Variants in CDH4 observed in about 807,000 individuals in gnomAD.
CDH4 encodes cadherin 4.
A neutral mutation model predicts 86.0 loss-of-function variants in CDH4; 33 were observed. The ratio of observed to expected loss-of-function variants is 0.38; its 90% CI spans 0.29 to 0.51. The LOEUF (loss-of-function observed/expected upper bound fraction) is 0.51. Among genes scored for constraint, CDH4 ranks in the 20% least tolerant of loss-of-function variants. CDH4 has a pLI of 0.86. For missense variants in CDH4, 1,114 were observed against 1,307.4 expected (o/e 0.85, Z 2.28); for synonymous variants, 555 against 549.4 (o/e 1.01, Z -0.14).
chr20:61,545,061 C>T (rs1212736293), intron 2 of CDH4, among the ~76,000 whole-genome samples: 1 of 152,232 alleles, frequency 6.6e-6, no homozygotes, highest in Non-Finnish European at 1.5e-5. Flanking sequence ...AGCGCCCTCG[C>T]TTCTGTGGGT....
intron 2 of CDH4, among the ~76,000 whole-genome samples, chr20:61,584,260 A>C (rs1304016698): frequency 6.6e-6 from 1 of 152,184 alleles, no homozygotes; most frequent in Non-Finnish European, 1.5e-5. Context: ...CAGCTCTTGC[A>C]CGTGCCTTCC....
chr20:61,653,198 A>G (rs1252745288), intron 2 of CDH4, among the ~76,000 whole-genome samples: 2 of 129,722 alleles, frequency 1.5e-5, no homozygotes, highest in Non-Finnish European at 3.5e-5. Context: ...ACCGCCCTTA[A>G]TCCATTTAAC....
chr20:61,492,205 TTGG>T (rs898011864), intron 2 of CDH4, among the ~76,000 whole-genome samples: 16 of 151,606 alleles, frequency 1.1e-4, no homozygotes, highest in African/African-American at 3.4e-4. Context: ...ATTGTTGATA[TTGG>T]TGGTGTTGAT....
chr20:61,817,306 C>T (rs1980768650), intron 4 of CDH4, among the ~76,000 whole-genome samples: 1 of 152,112 alleles, frequency 6.6e-6, no homozygotes, highest in African/African-American at 2.4e-5. Context: ...TCCCGGGCTG[C>T]ACCCAGCTCT....
rs556740330 is a variant in CDH4, at chr20:61,807,916, C to T, written c.576+34734C>T. On this transcript the variant is annotated intron_variant, in intron 4 of 15. Coordinates refer to ENST00000614565, the MANE Select transcript of CDH4 (RefSeq NM_001794.5). This position sits in a 1 kb window ranked among gnomAD's most constrained non-coding sequence, Gnocchi z 4.5. ...GGCCTGGCGGGATGCAGGCACAGCG[C>T]GATCCAGCACAGTGCTGGGTGGTCT... is the stretch of plus-strand genomic sequence containing the variant. Among the ~76,000 whole-genome samples, 3 of 152,332 alleles carry T rather than the reference C, an allele frequency of 2.0e-5. No individual in the cohort carries two copies. Among genetic ancestry groups the T allele is most frequent in the Admixed American group, 6.5e-5 (1 of 15,306 alleles).
intron 2 of CDH4, among the ~76,000 whole-genome samples, chr20:61,649,663 G>A (rs182060813): frequency 1.7e-3 from 266 of 152,254 alleles, no homozygotes; most frequent in Non-Finnish European, 3.3e-3. Context: ...ACGGGGGCTC[G>A]GTATCCACTT....
chr20:61,446,848 G>A (rs957393301), intron 2 of CDH4, among the ~76,000 whole-genome samples: 1 of 152,044 alleles, frequency 6.6e-6, no homozygotes. Flanking sequence ...AATATATTCA[G>A]TTTGGCCAAT....
intron 2 of CDH4, among the ~76,000 whole-genome samples, chr20:61,565,103 C>G (rs74897578): frequency 0.021 from 802 of 38,544 alleles, 5 homozygotes; most frequent in Middle Eastern, 0.056. Context: ...TGGTGGTGCT[C>G]TTGGTGGTGC....
intron 2 of CDH4, among the ~76,000 whole-genome samples, chr20:61,279,722 G>A (rs2084248586): frequency 6.6e-6 from 1 of 152,170 alleles, no homozygotes; most frequent in South Asian, 2.1e-4. Context: ...CGAGAAATGG[G>A]GCAGTCTGGA....
intron 2 of CDH4, among the ~76,000 whole-genome samples, chr20:61,401,810 A>G (rs909628965): frequency 4.6e-5 from 7 of 152,208 alleles, no homozygotes; most frequent in African/African-American, 1.7e-4. Flanking sequence ...GCCCCAGTGT[A>G]AGTGAAGGGT....
At chr20:61,371,734 G>A (rs974014912) in intron 2 of CDH4, among the ~76,000 whole-genome samples, 5 of 152,248 alleles carry the variant, frequency 3.3e-5, no homozygotes, top group Non-Finnish European at 5.9e-5. Flanking sequence ...ACCTCATCAC[G>A]CACAGAGCAG....
At chr20:61,736,676 A>G (rs762457607) in intron 2 of CDH4, among the ~76,000 whole-genome samples, 10 of 145,298 alleles carry the variant, frequency 6.9e-5, no homozygotes, top group Non-Finnish European at 1.5e-4. Context: ...AGAGAGGGAG[A>G]GAGGAGCAAG....
At chr20:61,331,637 A>C (rs935301001) in intron 2 of CDH4, among the ~76,000 whole-genome samples, 112 of 6,336 alleles carry the variant, frequency 0.018, no homozygotes, top group African/African-American at 0.02. Flanking sequence ...CCTGCCCCAG[A>C]CCCACCTCCC....
chr20:61,272,725 T>C (rs917906356), intron 2 of CDH4, among the ~76,000 whole-genome samples: 3 of 150,306 alleles, frequency 2.0e-5, no homozygotes, highest in African/African-American at 7.4e-5. Flanking sequence ...TGCAGTTGTT[T>C]GGGGGAGTAC....
intron 2 of CDH4, among the ~76,000 whole-genome samples, chr20:61,597,005 C>A (rs141677378): frequency 1.3e-5 from 2 of 152,134 alleles, no homozygotes; most frequent in Non-Finnish European, 2.9e-5. Flanking sequence ...TCTTTATTAA[C>A]GCGATTAGTA....
At chr20:61,462,828 A>T (rs561993359) in intron 2 of CDH4, among the ~76,000 whole-genome samples, 7 of 152,184 alleles carry the variant, frequency 4.6e-5, no homozygotes, top group Admixed American at 4.6e-4. Flanking sequence ...GCCAGAAAGG[A>T]GGGAGGTGGA....
At chr20:61,609,608 A>G (rs952687563) in intron 2 of CDH4, among the ~76,000 whole-genome samples, 29 of 152,188 alleles carry the variant, frequency 1.9e-4, no homozygotes, top group Admixed American at 1.9e-3. Flanking sequence ...CCACAGGGAA[A>G]TTCCAGGAGA....
At chr20:61,368,758 CT>C (rs2123331178) in intron 2 of CDH4, among the ~76,000 whole-genome samples, 1 of 152,256 alleles carries the variant, frequency 6.6e-6, no homozygotes, top group African/African-American at 2.4e-5. Context: ...CTCAAGTGAT[CT>C]GCCTGCCTTG....
rs762993449 is a variant in CDH4, at chr20:61,254,845, C to A, written c.77C>A (p.Thr26Lys). 6.2e-7 allele frequency: 1 copy of A among 1,607,898 alleles called. No individual in the cohort carries two copies. The highest frequency in any genetic ancestry group is 8.5e-7 in the Non-Finnish European group (1 of 1,174,346). The stretch of plus-strand genomic sequence containing the variant: ...TCTCAGGCCCATAATGAGGATCTTA[C>A]AACTAGAGAGACCTGCAAGGCTGGG... ...GALRAHNEDLTTRETCKAGFS... is the reference protein window; with the variant it reads ...GALRAHNEDLKTRETCKAGFS... The change falls in exon 2 of 16, where the codon ACA becomes AAA. Residue 26 changes from threonine (T) to lysine (K), a missense_variant. Physicochemically the swap from Thr to Lys is moderately conservative, Grantham distance 78 (BLOSUM62 -1). Around this residue, in one of 3 missense-constraint regions of CDH4, gnomAD observed 221 missense variants for 209.5 expected, o/e 1.05. Transcript: ENST00000614565.
Sources: gnomAD v4.1 joint callset for allele counts (sites outside exome capture counted in the v4.1 genomes callset) on GRCh38, gnomAD v4.1.1 for gene constraint, gnomAD v4.1.1 regional missense constraint, Gnocchi (gnomAD v3.1) non-coding constraint, MANE v1.5 for transcripts, NCBI Gene and HGNC (gene_info 2026-07-23, HGNC 2026-07-21) for gene names.